SLC25A48: variants seen among roughly 807,000 people sequenced by gnomAD.
SLC25A48 encodes solute carrier family 25 member 48.
In SLC25A48, 29 loss-of-function variants were observed where a neutral mutation model predicts 32.2. The ratio of observed to expected loss-of-function variants is 0.90; its 90% CI spans 0.67 to 1.23. The LOEUF is 1.23. Ranked by LOEUF, SLC25A48 falls within the 50% of genes most tolerant of loss-of-function variation. The pLI, the probability that SLC25A48 is intolerant of heterozygous loss-of-function variation, is 0.00. For missense variants in SLC25A48, 399 were observed against 422.7 expected, an observed-to-expected ratio of 0.94 and a Z score of 0.49; for synonymous variants, 164 against 172.3, an observed-to-expected ratio of 0.95 and a Z score of 0.38.
chr5:135,630,012 C>T (rs1418374093), intron 2 of SLC25A48, among the ~76,000 whole-genome samples: 2 of 152,234 alleles, frequency 1.3e-5, no homozygotes, highest in East Asian at 3.8e-4. Flanking sequence ...CTGTGTGCAC[C>T]TGCTGGGAAC....
chr5:135,626,350 C>A (rs1752440320), intron 1 of SLC25A48, among the ~76,000 whole-genome samples: 2 of 152,226 alleles, frequency 1.3e-5, no homozygotes, highest in African/African-American at 2.4e-5. Flanking sequence ...GGGTGCGTGA[C>A]CTCTGCTTAA....
chr5:135,834,151 A>C (rs1287145341), upstream of SLC25A48, among the ~76,000 whole-genome samples: 1 of 152,164 alleles, frequency 6.6e-6, no homozygotes, highest in Non-Finnish European at 1.5e-5. Flanking sequence ...GGGTCTGCCT[A>C]CAGAGAGGGA....
intron 5 of SLC25A48, chr5:135,871,999 G>A: frequency 3.0e-6 from 4 of 1,317,684 alleles, no homozygotes; most frequent in Non-Finnish European, 2.9e-6. Context: ...GCTTTGGAAA[G>A]GAAATCCATT....
chr5:135,667,103 AGCC>A (rs1753542510), intron 3 of SLC25A48, among the ~76,000 whole-genome samples: 2 of 152,148 alleles, frequency 1.3e-5, no homozygotes, highest in Admixed American at 1.3e-4. Flanking sequence ...CCTGAGCTCT[AGCC>A]AATCTCCTAT....
chr5:135,745,416 G>A (rs1417480279), intron 3 of SLC25A48, among the ~76,000 whole-genome samples: 10 of 152,174 alleles, frequency 6.6e-5, no homozygotes, highest in Non-Finnish European at 7.3e-5. Context: ...CAGCGTGGGT[G>A]TCATAGCCAT....
At chr5:135,886,136 T>A (rs1351938157) in intron 7 of SLC25A48, among the ~76,000 whole-genome samples, 1 of 152,082 alleles carries the variant, frequency 6.6e-6, no homozygotes, top group African/African-American at 2.4e-5. Context: ...AATGTTTTAA[T>A]TTTTTTACAG....
chr5:135,600,679 T>A (rs1751773765), intron 1 of SLC25A48, among the ~76,000 whole-genome samples: 1 of 126,724 alleles, frequency 7.9e-6, no homozygotes, highest in African/African-American at 3.4e-5. Context: ...TCTTTTTCTT[T>A]TTTATTTATT....
intron 4 of SLC25A48, among the ~76,000 whole-genome samples, chr5:135,853,761 A>G (rs1244279651): frequency 1.3e-5 from 2 of 152,186 alleles, no homozygotes; most frequent in Non-Finnish European, 2.9e-5. Context: ...ACCTCCTCCC[A>G]TGAACCCCAA....
chr5:135,580,212 A>T (rs1561743422), intron 1 of SLC25A48, among the ~76,000 whole-genome samples: 3 of 152,238 alleles, frequency 2.0e-5, no homozygotes, highest in Admixed American at 6.5e-5. Context: ...TGACTAGGCC[A>T]GGAGGGTCCT....
chr5:135,620,021 C>G (rs865781256), intron 1 of SLC25A48, among the ~76,000 whole-genome samples: 1 of 152,128 alleles, frequency 6.6e-6, no homozygotes, highest in Non-Finnish European at 1.5e-5. Context: ...GTAGGTTGGG[C>G]AGGTAGGTGG....
intron 1 of SLC25A48, among the ~76,000 whole-genome samples, chr5:135,595,847 C>T (rs747269342): frequency 7.9e-5 from 12 of 152,232 alleles, no homozygotes; most frequent in African/African-American, 1.4e-4. Flanking sequence ...TCATAATTCA[C>T]TCATTCAACC....
intron 3 of SLC25A48, among the ~76,000 whole-genome samples, chr5:135,731,434 G>A (rs1196551214): frequency 1.3e-5 from 2 of 152,186 alleles, no homozygotes; most frequent in East Asian, 3.9e-4. Context: ...TAGTGGTAAA[G>A]TGTTGGGGCA....
intron 3 of SLC25A48, among the ~76,000 whole-genome samples, chr5:135,780,722 G>T (rs12659600): frequency 0.51 from 58,239 of 113,922 alleles, 22,199 homozygotes; most frequent in Middle Eastern, 0.7. Flanking sequence ...GGTTGGGAGA[G>T]GATGATATTA....
At chr5:135,674,625 A>G (rs894805442) in intron 3 of SLC25A48, among the ~76,000 whole-genome samples, 3 of 151,698 alleles carry the variant, frequency 2.0e-5, no homozygotes, top group Admixed American at 2.0e-4. Context: ...TTTTCACTTA[A>G]CATAATGACC....
intron 3 of SLC25A48, among the ~76,000 whole-genome samples, chr5:135,787,036 A>T (rs1479265405): frequency 6.6e-6 from 1 of 151,978 alleles, no homozygotes. Flanking sequence ...GTTACTTTTA[A>T]TGTGACAGTG....
rs910870946 is a variant in SLC25A48 at position 135,745,693 on chromosome 5, C to A, written c.-520-66830C>A. ...CTGTGGTGGTTTAGTTGCTAGCTCA[C>A]GTGTTTATATTTCCCCTGTTAAGCT... On this transcript the variant is annotated intron_variant, in intron 3 of 10. Transcript: ENST00000646290. Among the ~76,000 whole-genome samples, 67 of 152,190 alleles carry A rather than the reference C, an allele frequency of 4.4e-4. 1 individual carries two copies. Among genetic ancestry groups the A allele is most frequent in the African/African-American group, 1.6e-3 (67 of 41,438 alleles).
intron 1 of SLC25A48, among the ~76,000 whole-genome samples, chr5:135,596,970 A>T (rs1751668911): frequency 6.6e-6 from 1 of 152,178 alleles, no homozygotes; most frequent in South Asian, 2.1e-4. Flanking sequence ...CTAAGTAAGC[A>T]TGTCTATGAC....
intron 6 of SLC25A48, among the ~76,000 whole-genome samples, chr5:135,879,397 T>G (rs1454719451): frequency 6.6e-6 from 1 of 152,042 alleles, no homozygotes; most frequent in Admixed American, 6.5e-5. Flanking sequence ...AAAATTGAGT[T>G]CTAGAGAGTT....
intron 3 of SLC25A48, among the ~76,000 whole-genome samples, chr5:135,754,438 A>T (rs1755846503): frequency 6.6e-6 from 1 of 152,040 alleles, no homozygotes; most frequent in African/African-American, 2.4e-5. Context: ...TTATGCTGTG[A>T]TATTAATGAA....
Sources: allele counts gnomAD v4.1 joint callset (sites outside exome capture counted in the v4.1 genomes callset), GRCh38; gene constraint gnomAD v4.1.1; transcripts MANE v1.5; gene names NCBI Gene and HGNC (gene_info 2026-07-23, HGNC 2026-07-21).